BOLL: variants seen among roughly 807,000 people sequenced by gnomAD.
The protein encoded by BOLL is boule RNA binding protein, also known as protein boule-like.
Under a neutral mutation model 44.4 loss-of-function variants are expected in BOLL, and 23 were observed. The observed-to-expected ratio is 0.52, with a 90% CI of 0.37 to 0.73. The LOEUF is 0.73. BOLL is among the 30% of genes least tolerant of loss of function. The pLI is 0.00. For missense variants in BOLL, 287 were observed against 338.3 expected (o/e 0.85, Z 1.19); for synonymous variants, 97 against 110.8 (o/e 0.88, Z 0.78).
chr2:197,756,514 C>G lies in BOLL; in HGVS notation c.643G>C (p.Glu215Gln), dbSNP rs1328016928. ...ATTTCCACTGGTTGATAAATAACCT[C>G]AGAAGGTTGCAGGTATAAGAATGGA... ...SAPFLYLQPS[E>Q]VIYQPVEIAQ... The change falls in exon 9 of 11, where the codon GAG becomes CAG. Residue 215 changes from glutamate (E) to glutamine (Q), a missense_variant. Glu to Gln is a conservative substitution (Grantham distance 29, BLOSUM62 2). Transcript: ENST00000392296. 1 of 1,612,260 alleles carries G rather than the reference C, an allele frequency of 6.2e-7. No homozygotes were observed. Among genetic ancestry groups the G allele is most frequent in the Admixed American group, 1.7e-5 (1 of 59,898 alleles).
At position 197,766,583 on chromosome 2, in the gene BOLL, G is replaced by A; in HGVS notation, c.501C>T (p.Ser167=). ...AAATGGGCTGAGCTACCATCACAGG[G>A]GAGCTACATACAGAACGTGACTATA... ...PPWPSRSVCS[S]PVMVAQPIYQ... The change falls in exon 7 of 11, where the codon TCC becomes TCT. Residue 167 remains serine (S), a synonymous_variant. Coordinates refer to ENST00000392296, the MANE Select transcript of BOLL (RefSeq NM_033030.6). 1 of 1,612,300 alleles carries A rather than the reference G, an allele frequency of 6.2e-7. No homozygotes were observed. The highest frequency in any genetic ancestry group is 1.1e-5 in the South Asian group (1 of 90,912).
chr2:197,786,168 C>G, upstream of BOLL: 1 of 998,260 alleles, frequency 1.0e-6, no homozygotes, highest in Non-Finnish European at 1.4e-6. This position sits in a 1 kb window ranked among gnomAD's most constrained non-coding sequence, Gnocchi z 5.9. Context: ...GACCCCGGCC[C>G]TGAACCTGCC....
intron 4 of BOLL, 63 bp downstream of exon 4, chr2:197,776,996 G>T: frequency 1.6e-6 from 2 of 1,289,742 alleles, no homozygotes; most frequent in Non-Finnish European, 2.2e-6. Flanking sequence ...TTTGAACCCC[G>T]AAAAGATTAG....
intron 9 of BOLL, among the ~76,000 whole-genome samples, chr2:197,750,582 A>G: frequency 6.6e-6 from 1 of 152,254 alleles, no homozygotes; most frequent in Non-Finnish European, 1.5e-5. Context: ...GGATCAATGC[A>G]ACAAGAAGAG....
chr2:197,738,745 T>A (rs1335605212), intron 10 of BOLL, among the ~76,000 whole-genome samples: 1 of 152,154 alleles, frequency 6.6e-6, no homozygotes, highest in Non-Finnish European at 1.5e-5. Flanking sequence ...CAACAACTCC[T>A]CCAAAGAATA....
At chr2:197,753,431 A>G (rs1165935018) in intron 9 of BOLL, among the ~76,000 whole-genome samples, 5 of 152,200 alleles carry the variant, frequency 3.3e-5, no homozygotes, top group African/African-American at 1.2e-4. Flanking sequence ...CAGAACTTAA[A>G]CAAATTTACA....
At position 197,728,487 on chromosome 2, in the gene BOLL, G is replaced by C. The variant is rs1051243952; in HGVS notation, c.*68C>G. ...AGCTTCTAGCTGGTTCGTTGAAGCTGGATCTCGGCCACGCAAGGATCATTG... is the reference window on the plus strand; with the variant it reads ...AGCTTCTAGCTGGTTCGTTGAAGCTCGATCTCGGCCACGCAAGGATCATTG... On this transcript the variant is annotated 3_prime_UTR_variant, in exon 11 of 11. Transcript: ENST00000392296. The C allele has an allele frequency of 3.7e-6, 6 of 1,613,222 alleles. No homozygotes were observed. Among genetic ancestry groups the C allele is most frequent in the Non-Finnish European group, 5.1e-6 (6 of 1,179,216 alleles).
chr2:197,752,611 T>C (rs1346912749), intron 9 of BOLL, among the ~76,000 whole-genome samples: 2 of 152,162 alleles, frequency 1.3e-5, no homozygotes, highest in Non-Finnish European at 2.9e-5. Flanking sequence ...GTGAAGGACC[T>C]CTTCAAGGAG....
At chr2:197,758,898 AAGACTTTTT>A in intron 7 of BOLL, 1 of 1,499,236 alleles carries the variant, frequency 6.7e-7, no homozygotes, top group Non-Finnish European at 9.0e-7. Context: ...ATTATTGCTA[AAGACTTTTT>A]AGATCTAAAT....
rs989649468 is a variant in BOLL at position 197,730,897 on chromosome 2, T to C, written c.829-2319A>G. ...AAGACCATCGAGACTAGGAAGAAAC[T>C]GCATCAACTAATGAGAAAAATAACC... On this transcript the variant is annotated intron_variant, in intron 10 of 10. Coordinates refer to ENST00000392296, the MANE Select transcript of BOLL (RefSeq NM_033030.6). 8.7e-5 allele frequency among the ~76,000 whole-genome samples: 13 copies of C among 148,632 alleles called. 3 individuals carry two copies. The highest frequency in any genetic ancestry group is 3.2e-4 in the African/African-American group (13 of 40,292).
chr2:197,772,657 C>T (rs908284947), intron 5 of BOLL, among the ~76,000 whole-genome samples: 3 of 151,764 alleles, frequency 2.0e-5, no homozygotes, highest in African/African-American at 7.3e-5. Flanking sequence ...ACTCTTTTCC[C>T]GGGCCAAGTT....
At chr2:197,758,071 C>T (rs1042128958) in intron 7 of BOLL, among the ~76,000 whole-genome samples, 4 of 152,156 alleles carry the variant, frequency 2.6e-5, no homozygotes, top group Admixed American at 6.6e-5. Flanking sequence ...TGTAAAATGG[C>T]GCAGCCCTTT....
chr2:197,731,190 A>G (rs1574792418), intron 10 of BOLL, among the ~76,000 whole-genome samples: 2 of 152,068 alleles, frequency 1.3e-5, no homozygotes, highest in African/African-American at 4.8e-5. Flanking sequence ...CAGACTTTAA[A>G]CCAACAAAGA....
chr2:197,743,325 A>G lies in BOLL; in HGVS notation c.730-166T>C, dbSNP rs77407369. Among the ~76,000 whole-genome samples the G allele has an allele frequency of 2.6e-3, 397 of 152,348 alleles. 2 individuals are homozygous for G. The highest frequency in any genetic ancestry group is 9.2e-3 in the African/African-American group (384 of 41,566). On this transcript the variant is annotated intron_variant, in intron 9 of 10. Coordinates refer to ENST00000392296, the MANE Select transcript of BOLL (RefSeq NM_033030.6). ...ATAATCTGATGAGTTAATATAATGA[A>G]TTAACTTATGAATTAACTTGTAATC...
intron 7 of BOLL, among the ~76,000 whole-genome samples, chr2:197,757,970 A>T (rs1184886468): frequency 6.6e-6 from 1 of 152,178 alleles, no homozygotes; most frequent in East Asian, 1.9e-4. Context: ...ATCACTTCAT[A>T]CCTACTAGGA....
rs896045071 is a variant in BOLL at position 197,727,070 on chromosome 2, G to C, written c.*1485C>G. The C allele has an allele frequency of 1.3e-5, 2 of 152,524 alleles. No individual in the cohort carries two copies. The highest frequency in any genetic ancestry group is 2.9e-5 in the Non-Finnish European group (2 of 68,040). 9.4% of individuals were successfully genotyped at this position (152,524 alleles called of 1,614,324 possible). ...GAACAAAAACTTCTGAAATTTCATT[G>C]TGGGACTTAATCTATTTACATTCCT... On this transcript the variant is annotated 3_prime_UTR_variant, in exon 11 of 11. Transcript: ENST00000392296.
chr2:197,771,624 C>T (rs111852952), intron 6 of BOLL, among the ~76,000 whole-genome samples: 1 of 151,850 alleles, frequency 6.6e-6, no homozygotes, highest in African/African-American at 2.4e-5. Flanking sequence ...TACTTTTGAA[C>T]AGGAAAGAGG....
chr2:197,737,107 C>T (rs1687526259), intron 10 of BOLL, among the ~76,000 whole-genome samples: 1 of 151,876 alleles, frequency 6.6e-6, no homozygotes, highest in Non-Finnish European at 1.5e-5. Flanking sequence ...TTTCAGCTTG[C>T]AATTGTTTCT....
Position 197,785,296 on chromosome 2 carries a change from C to T in BOLL, c.-256G>A. The T allele has an allele frequency of 1.0e-6, 1 of 985,700 alleles. No individual in the cohort carries two copies. The highest frequency in any genetic ancestry group is 1.7e-5 in the African/African-American group (1 of 57,372). 61.1% of individuals were successfully genotyped at this position (985,700 alleles called of 1,614,324 possible). A position where few individuals can be genotyped will look rare whatever the true frequency, so the allele number is the denominator to read the frequency against. On this transcript the variant is annotated 5_prime_UTR_variant, in exon 1 of 11. Coordinates refer to ENST00000392296, the MANE Select transcript of BOLL (RefSeq NM_033030.6). This position sits in a 1 kb window ranked among gnomAD's most constrained non-coding sequence, Gnocchi z 6.7. ...GCGGGAAGCCTCAACGGCAGCGACC[C>T]CGCCGCTGGCCTCGTGCGCAGCTGG...
Sources: allele counts gnomAD v4.1 joint callset (sites outside exome capture counted in the v4.1 genomes callset), GRCh38; gene constraint gnomAD v4.1.1; non-coding constraint Gnocchi (gnomAD v3.1); transcripts MANE v1.5; gene names NCBI Gene and HGNC (gene_info 2026-07-23, HGNC 2026-07-21).